ACOT7: variants seen among roughly 807,000 people sequenced by gnomAD.
ACOT7 encodes the protein acyl-CoA thioesterase 7.
Under a neutral mutation model 40.2 loss-of-function variants are expected in ACOT7, and 12 were observed. The ratio of observed to expected loss-of-function variants is 0.30; its 90% CI spans 0.19 to 0.48. The LOEUF is 0.48. Among genes scored for constraint, ACOT7 ranks in the 20% least tolerant of loss-of-function variants. ACOT7 has a pLI of 0.99. For synonymous variants in ACOT7, 228 were observed against 219.5 expected, an observed-to-expected ratio of 1.04 and a Z score of -0.34; for missense variants, 395 against 530.8, an observed-to-expected ratio of 0.74 and a Z score of 2.51.
chr1:6,329,748 G>A (rs758765096), intron 4 of ACOT7, among the ~76,000 whole-genome samples: 41 of 151,848 alleles, frequency 2.7e-4, no homozygotes, highest in Non-Finnish European at 5.6e-4. Context: ...AGCAGACAGC[G>A]TGGCCCAAAT....
Position 6,288,339 on chromosome 1 carries a change from T to C in ACOT7, c.829+6525A>G, listed in dbSNP as rs1012367318. 4.5e-4 allele frequency among the ~76,000 whole-genome samples: 69 copies of C among 152,302 alleles called. No individual in the cohort carries two copies. The highest frequency in any genetic ancestry group is 1.5e-3 in the African/African-American group (64 of 41,574). On this transcript the variant is annotated intron_variant, in intron 7 of 8. Transcript: ENST00000361521. The surrounding 1 kb of genome is among the most constrained non-coding windows in gnomAD (Gnocchi z 4.3). ...AGATCCAGTCGCACAGATGAAGCGG[T>C]CCTTCCTTCACCCCAACTGCCTGGT...
chr1:6,288,956 A>G lies in ACOT7; in HGVS notation c.829+5908T>C, dbSNP rs1425591777. Among the ~76,000 whole-genome samples the G allele has an allele frequency of 6.6e-6, 1 of 152,212 alleles. No individual in the cohort carries two copies. Among genetic ancestry groups the G allele is most frequent in the Non-Finnish European group, 1.5e-5 (1 of 68,028 alleles). ...CCACAGGGCCTGGCACTTGGTCAAT[A>G]TCGCATAAAAGGTCACTCTCCCAAG... On this transcript the variant is annotated intron_variant, in intron 7 of 8. Coordinates refer to ENST00000361521, the MANE Select transcript of ACOT7 (RefSeq NM_007274.4). The surrounding 1 kb of genome is among the most constrained non-coding windows in gnomAD (Gnocchi z 4.3).
chr1:6,345,874 C>A (rs1315204909), intron 2 of ACOT7, among the ~76,000 whole-genome samples: 1 of 152,202 alleles, frequency 6.6e-6, no homozygotes, highest in African/African-American at 2.4e-5. Context: ...TCATCGTAAG[C>A]GCTTACTCGG....
At chr1:6,383,897 G>C (rs1348929384) in intron 1 of ACOT7, among the ~76,000 whole-genome samples, 1 of 151,448 alleles carries the variant, frequency 6.6e-6, no homozygotes, top group East Asian at 1.9e-4. Context: ...GTAAAGATGG[G>C]GTTTCCCTGT....
chr1:6,275,732 A>G lies in ACOT7; in HGVS notation c.1014+5370T>C, dbSNP rs1639170232. Among the ~76,000 whole-genome samples the G allele has an allele frequency of 6.6e-6, 1 of 151,408 alleles. No homozygotes were observed. Among genetic ancestry groups the G allele is most frequent in the Admixed American group, 6.6e-5 (1 of 15,194 alleles). On this transcript the variant is annotated intron_variant, in intron 8 of 8. Coordinates refer to ENST00000361521, the MANE Select transcript of ACOT7 (RefSeq NM_007274.4). This position sits in a 1 kb window ranked among gnomAD's most constrained non-coding sequence, Gnocchi z 5.6. Reference sequence around the variant, plus strand: ...GCTCCGTCTCAAAAAAAAAAAAAAAAAAAAAAAAAGATGGCCGCACCTGCC... The same window carrying G: ...GCTCCGTCTCAAAAAAAAAAAAAAAGAAAAAAAAAGATGGCCGCACCTGCC...
chr1:6,370,472 T>C (rs1441873103), intron 1 of ACOT7, among the ~76,000 whole-genome samples: 1 of 102,032 alleles, frequency 9.8e-6, no homozygotes, highest in Non-Finnish European at 2.0e-5. Flanking sequence ...ATTATTATTA[T>C]TATTATTATT....
At position 6,393,237 on chromosome 1, in the gene ACOT7, G is replaced by A; in HGVS notation, c.143+20C>T. ...CCGGCGCGCCTGGCCGCTGCAGGCT[G>A]CGCGCGGGCCCTCTCTTACCGGCAG... is the stretch of plus-strand genomic sequence containing the variant. On this transcript the variant is annotated intron_variant, in intron 1 of 8. Coordinates refer to ENST00000361521, the MANE Select transcript of ACOT7 (RefSeq NM_007274.4). The A allele has an allele frequency of 7.9e-7, 1 of 1,273,110 alleles. No individual in the cohort carries two copies. Among genetic ancestry groups the A allele is most frequent in the Non-Finnish European group, 9.9e-7 (1 of 1,008,836 alleles). 78.9% of individuals were successfully genotyped at this position (1,273,110 alleles called of 1,614,324 possible). A position where few individuals can be genotyped will look rare whatever the true frequency, so the allele number is the denominator to read the frequency against.
At chr1:6,268,990 C>T (rs74895899) in intron 8 of ACOT7, among the ~76,000 whole-genome samples, 2,004 of 152,294 alleles carry the variant, frequency 0.013, 49 homozygotes, top group African/African-American at 0.045. Context: ...GGGCTGTGCA[C>T]GTGGGGCAGG....
intron 6 of ACOT7, among the ~76,000 whole-genome samples, chr1:6,308,792 A>AGGCAAAGCGACTGGGCGGAG (rs1640245934): frequency 7.5e-6 from 1 of 134,170 alleles, no homozygotes; most frequent in African/African-American, 3.1e-5. Context: ...ACTGGATGGA[A>AGGCAAAGCGACTGGGCGGAG]GGAAAAGCGA....
At chr1:6,351,592 C>T (rs1302987773) in intron 1 of ACOT7, among the ~76,000 whole-genome samples, 1 of 152,230 alleles carries the variant, frequency 6.6e-6, no homozygotes, top group Non-Finnish European at 1.5e-5. Flanking sequence ...GTCCTGGGGG[C>T]ACTAGCCAAG....
At chr1:6,317,922 G>C (rs970179147) in intron 6 of ACOT7, among the ~76,000 whole-genome samples, 78 of 152,134 alleles carry the variant, frequency 5.1e-4, no homozygotes, top group African/African-American at 1.8e-3. Flanking sequence ...AGTAAAGATG[G>C]GGTTTTGCCA....
rs1279384225 is a variant in ACOT7, at chr1:6,275,064, G to A, written c.1014+6038C>T. On this transcript the variant is annotated intron_variant, in intron 8 of 8. Transcript: ENST00000361521. This position sits in a 1 kb window ranked among gnomAD's most constrained non-coding sequence, Gnocchi z 5.6. ...GCCTGGTGCCCGCCTCCTGTCTGGGGATGGGAAGCATCTGTGAGCAGACAC... is the reference window on the plus strand; with the variant it reads ...GCCTGGTGCCCGCCTCCTGTCTGGGAATGGGAAGCATCTGTGAGCAGACAC... 6.6e-6 allele frequency among the ~76,000 whole-genome samples: 1 copy of A among 152,206 alleles called. No homozygotes were observed. The highest frequency in any genetic ancestry group is 1.5e-5 in the Non-Finnish European group (1 of 68,028).
In ACOT7 at chr1:6,365,647, A is replaced by G. The variant is rs534053852; in HGVS notation, c.144-15781T>C. 3.1e-4 allele frequency among the ~76,000 whole-genome samples: 47 copies of G among 151,826 alleles called. No homozygotes were observed. The South Asian group carries it at 9.6e-3, about 31-fold the overall frequency. ...GCCCGGCATGGTAGTGGGCGCCTGT[A>G]GTCCCAGCTACTCGGGAGGCTGAGG... On this transcript the variant is annotated intron_variant, in intron 1 of 8. Transcript: ENST00000361521.
chr1:6,359,636 C>CAGGA lies in ACOT7; in HGVS notation c.144-9774_144-9771dup, dbSNP rs1275030044. 6.6e-6 allele frequency among the ~76,000 whole-genome samples: 1 copy of CAGGA among 152,192 alleles called. No homozygotes were observed. The highest frequency in any genetic ancestry group is 2.4e-5 in the African/African-American group (1 of 41,458). ...CTCCGCCTCCCCTTCTACTGGGTGT[C>CAGGA]AGGAAGAAAGAAAGAGGCCAAACAA... On this transcript the variant is annotated intron_variant, in intron 1 of 8. Transcript: ENST00000361521. The surrounding 1 kb of genome is among the most constrained non-coding windows in gnomAD (Gnocchi z 4.1).
At position 6,278,816 on chromosome 1, in the gene ACOT7, G is replaced by A. The variant is rs544944399; in HGVS notation, c.1014+2286C>T. Reference sequence around the variant, plus strand: ...CTACAGGGTCCCCCATCCAGGGAGCGCAGGCTTCACTGAGGGCCTGGTCAG... The same window carrying A: ...CTACAGGGTCCCCCATCCAGGGAGCACAGGCTTCACTGAGGGCCTGGTCAG... On this transcript the variant is annotated intron_variant, in intron 8 of 8. Transcript: ENST00000361521. The surrounding 1 kb of genome is among the most constrained non-coding windows in gnomAD (Gnocchi z 4.1). 9.4e-4 allele frequency among the ~76,000 whole-genome samples: 143 copies of A among 152,326 alleles called. No individual in the cohort carries two copies. Among genetic ancestry groups the A allele is most frequent in the African/African-American group, 3.3e-3 (137 of 41,576 alleles).
intron 1 of ACOT7, among the ~76,000 whole-genome samples, chr1:6,392,892 G>A (rs945797133): frequency 1.3e-5 from 2 of 152,168 alleles, no homozygotes; most frequent in Admixed American, 6.5e-5. Flanking sequence ...CGGGATGCTC[G>A]GGCGAGGCCC....
chr1:6,327,951 T>C (rs1275018221), intron 4 of ACOT7, among the ~76,000 whole-genome samples: 1 of 151,986 alleles, frequency 6.6e-6, no homozygotes, highest in South Asian at 2.1e-4. Context: ...TTTTTGTATT[T>C]TTAGTAGAGA....
rs1333074416 is a variant in ACOT7 at position 6,393,116 on chromosome 1, G to A, written c.143+141C>T. On this transcript the variant is annotated intron_variant, in intron 1 of 8. Coordinates refer to ENST00000361521, the MANE Select transcript of ACOT7 (RefSeq NM_007274.4). ...CATCCCGGCCGGGCGGGCGTCCGGG[G>A]CGGCGGCGCGGAAGGCCGTGCGGGG... The A allele has an allele frequency of 1.1e-5, 11 of 976,092 alleles. No homozygotes were observed. The Admixed American group carries it at 4.1e-4, about 36-fold the overall frequency. 60.5% of individuals were successfully genotyped at this position (976,092 alleles called of 1,614,324 possible).
At position 6,275,716 on chromosome 1, in the gene ACOT7, CA is replaced by C. The variant is rs34990815; in HGVS notation, c.1014+5385del. Among the ~76,000 whole-genome samples the C allele has an allele frequency of 0.2, 11,214 of 55,484 alleles. 338 individuals are homozygous for C. Among genetic ancestry groups the C allele is most frequent in the African/African-American group, 0.28 (4,178 of 14,872 alleles). 36.4% of individuals were successfully genotyped at this position (55,484 alleles called of 152,430 possible). ...TGGGCGACAGAGTGAGGCTCCGTCT[CA>C]AAAAAAAAAAAAAAAAAAAAAAAAG... On this transcript the variant is annotated intron_variant, in intron 8 of 8. Coordinates refer to ENST00000361521, the MANE Select transcript of ACOT7 (RefSeq NM_007274.4). The surrounding 1 kb of genome is among the most constrained non-coding windows in gnomAD (Gnocchi z 5.6).
Sources: gnomAD v4.1 joint callset for allele counts (sites outside exome capture counted in the v4.1 genomes callset) on GRCh38, gnomAD v4.1.1 for gene constraint, Gnocchi (gnomAD v3.1) non-coding constraint, MANE v1.5 for transcripts, NCBI Gene and HGNC (gene_info 2026-07-23, HGNC 2026-07-21) for gene names.